The following NFIC variants were observed in gnomAD, a reference collection of about 807,000 sequenced individuals.
The protein encoded by NFIC is nuclear factor I C.
Under a neutral mutation model 54.4 loss-of-function variants are expected in NFIC, and 12 were observed. The observed-to-expected ratio is 0.22, with a 90% confidence interval of 0.14 to 0.36. The LOEUF (loss-of-function observed/expected upper bound fraction) is 0.36, where lower values mean the gene tolerates loss of function less well. Ranked by LOEUF, NFIC falls within the 10% of genes least tolerant of loss-of-function variation. The probability of loss-of-function intolerance (pLI) is 1.00; values close to 1 mark genes in which losing one functional copy is unlikely to be tolerated. For missense variants in NFIC, 575 were observed against 718.2 expected, an observed-to-expected ratio of 0.80 and a Z score of 2.28; for synonymous variants, 322 against 319.2, an observed-to-expected ratio of 1.01 and a Z score of -0.09.
chr19:3,361,439 G>A (rs796216337), intron 1 of NFIC, among the ~76,000 whole-genome samples: 13 of 152,228 alleles, frequency 8.5e-5, no homozygotes, highest in African/African-American at 3.1e-4. Flanking sequence ...TGGACCAGAG[G>A]CCGTGGGCAC....
chr19:3,399,217 T>C (rs1001671051), intron 2 of NFIC, among the ~76,000 whole-genome samples: 3 of 152,206 alleles, frequency 2.0e-5, no homozygotes, highest in Admixed American at 2.0e-4. Flanking sequence ...GGCCTCAGTT[T>C]CCCCATCTAT....
chr19:3,438,243 G>T (rs183583403), intron 6 of NFIC, among the ~76,000 whole-genome samples: 1 of 151,826 alleles, frequency 6.6e-6, no homozygotes, highest in East Asian at 2.0e-4. Flanking sequence ...CTGCTCACTG[G>T]CAACCCCTTC....
chr19:3,382,144 G>T lies in NFIC; in HGVS notation c.463G>T (p.Ala155Ser). Residue 155 changes from alanine (A) to serine (S), a missense_variant, in exon 2 of 11, where the codon GCG (alanine) becomes TCG (serine). Transcript: ENST00000443272. ...CGACGGCGAGCGCCTGGTCAAGGCTGCGCAGTGCGGTCACCCGGTCCTGTG... is the reference window on the plus strand; with the variant it reads ...CGACGGCGAGCGCCTGGTCAAGGCTTCGCAGTGCGGTCACCCGGTCCTGTG... Reference protein sequence around the residue: ...STDGERLVKAAQCGHPVLCVQ... With the variant: ...STDGERLVKASQCGHPVLCVQ... 6.2e-7 allele frequency: 1 copy of T among 1,613,294 alleles called. No homozygotes were observed. The highest frequency in any genetic ancestry group is 8.5e-7 in the Non-Finnish European group (1 of 1,179,956).
chr19:3,363,579 A>T (rs73520301), upstream of NFIC, among the ~76,000 whole-genome samples: 3,458 of 151,442 alleles, frequency 0.023, 79 homozygotes, highest in African/African-American at 0.054. Context: ...GCCAAAGGAG[A>T]TATGTGTGTG....
At chr19:3,387,176 G>T (rs1259551977) in intron 2 of NFIC, among the ~76,000 whole-genome samples, 2 of 152,212 alleles carry the variant, frequency 1.3e-5, no homozygotes, top group Non-Finnish European at 2.9e-5. Flanking sequence ...CCTGCCATGG[G>T]GCTGAAAGGA....
chr19:3,377,194 C>A (rs1012088138), intron 1 of NFIC, among the ~76,000 whole-genome samples: 1 of 151,336 alleles, frequency 6.6e-6, no homozygotes, highest in South Asian at 2.1e-4. Flanking sequence ...ATTAGTTGGG[C>A]ATGGTGGCGG....
At chr19:3,437,366 T>A (rs2082219969) in intron 6 of NFIC, among the ~76,000 whole-genome samples, 2 of 138,028 alleles carry the variant, frequency 1.4e-5, no homozygotes, top group African/African-American at 2.7e-5. Flanking sequence ...AGACTCCGTC[T>A]CAAAAAAAAA....
At position 3,369,991 on chromosome 19, in the gene NFIC, C is replaced by G. The variant is rs1412418954; in HGVS notation, c.30+3325C>G. ...GAGAGGCTGTCCTCCCACCCCAGAC[C>G]CCCGACCTTTGTTGGATTTTCTAGA... On this transcript the variant is annotated intron_variant, in intron 1 of 10. Coordinates refer to ENST00000443272, the MANE Select transcript of NFIC (RefSeq NM_001245002.2). The surrounding 1 kb of genome is among the most constrained non-coding windows in gnomAD (Gnocchi z 4.3). Among the ~76,000 whole-genome samples the G allele has an allele frequency of 3.3e-5, 5 of 152,188 alleles. No individual in the cohort carries two copies. Among genetic ancestry groups the G allele is most frequent in the African/African-American group, 1.2e-4 (5 of 41,458 alleles).
At chr19:3,416,002 G>A (rs2145579363) in intron 2 of NFIC, among the ~76,000 whole-genome samples, 1 of 151,838 alleles carries the variant, frequency 6.6e-6, no homozygotes, top group South Asian at 2.1e-4. Context: ...ACAAAAAAAT[G>A]TTTGTTAAAA....
intron 2 of NFIC, among the ~76,000 whole-genome samples, chr19:3,394,141 C>T (rs2081419967): frequency 6.6e-6 from 1 of 151,758 alleles, no homozygotes; most frequent in African/African-American, 2.4e-5. Flanking sequence ...TAACCCAGGG[C>T]ATCTGGAATG....
chr19:3,412,748 C>T (rs1007785501), intron 2 of NFIC, among the ~76,000 whole-genome samples: 3 of 152,192 alleles, frequency 2.0e-5, no homozygotes, highest in Admixed American at 6.5e-5. Context: ...TTAAACCATC[C>T]GTACATGCAG....
intron 2 of NFIC, among the ~76,000 whole-genome samples, chr19:3,417,787 G>A (rs1599650685): frequency 4.5e-5 from 4 of 89,226 alleles, no homozygotes; most frequent in African/African-American, 1.1e-4. Flanking sequence ...CACCACGCCC[G>A]GCTAATTTTT....
At chr19:3,435,348 G>T (rs1228170815) in intron 6 of NFIC, 141 bp downstream of exon 6, 7 of 1,232,794 alleles carry the variant, frequency 5.7e-6, no homozygotes, top group Admixed American at 6.1e-5. Flanking sequence ...AATTGTAGTC[G>T]TCCCGAGCTG....
chr19:3,426,091 C>T (rs185154264), intron 3 of NFIC, among the ~76,000 whole-genome samples: 36 of 151,856 alleles, frequency 2.4e-4, no homozygotes, highest in Non-Finnish European at 4.4e-4. Flanking sequence ...TGTGCCACCA[C>T]GGCTGGCTAA....
intron 2 of NFIC, among the ~76,000 whole-genome samples, chr19:3,386,069 A>G (rs1255314479): frequency 6.6e-6 from 1 of 151,244 alleles, no homozygotes; most frequent in Non-Finnish European, 1.5e-5. Flanking sequence ...TTCCCTGGAC[A>G]TAGAATGTCT....
chr19:3,454,210 C>T (rs2082516274), intron 9 of NFIC: 2 of 1,223,264 alleles, frequency 1.6e-6, no homozygotes, highest in East Asian at 3.6e-5. Context: ...GAAACCCTCC[C>T]TGGTATGTCA....
chr19:3,459,068 G>A lies in NFIC; in HGVS notation c.1509+2433G>A, dbSNP rs1228920023. Among the ~76,000 whole-genome samples, 1 of 152,050 alleles carries A rather than the reference G, an allele frequency of 6.6e-6. No homozygotes were observed. Among genetic ancestry groups the A allele is most frequent in the Admixed American group, 6.5e-5 (1 of 15,280 alleles). On this transcript the variant is annotated intron_variant, in intron 10 of 10. Transcript: ENST00000443272. This position sits in a 1 kb window ranked among gnomAD's most constrained non-coding sequence, Gnocchi z 4.2. ...CCCGCTCTCCCCTCTCCCAGCTCCC[G>A]CTCAAAGGGCCCTGAGCTTGGAGGC...
intron 2 of NFIC, among the ~76,000 whole-genome samples, chr19:3,385,256 G>T (rs538030810): frequency 1.3e-5 from 2 of 151,622 alleles, no homozygotes; most frequent in South Asian, 2.1e-4. Flanking sequence ...CCTCATGGGG[G>T]TAAGAGCTGG....
At chr19:3,446,794 G>A (rs1273093357) in intron 6 of NFIC, among the ~76,000 whole-genome samples, 4 of 152,084 alleles carry the variant, frequency 2.6e-5, no homozygotes, top group Middle Eastern at 6.3e-3. Context: ...CACTTTGAGA[G>A]ACCAAGGCAA....
Sources: gnomAD v4.1 joint callset for allele counts (sites outside exome capture counted in the v4.1 genomes callset) on GRCh38, gnomAD v4.1.1 for gene constraint, Gnocchi (gnomAD v3.1) non-coding constraint, MANE v1.5 for transcripts, NCBI Gene and HGNC (gene_info 2026-07-23, HGNC 2026-07-21) for gene names.